The following DPP6 variants were observed in gnomAD, a reference collection of about 807,000 sequenced individuals.
DPP6 encodes dipeptidyl peptidase like 6.
DPP6 carries 69 observed loss-of-function variants against 122.6 expected under a neutral mutation model. That is an observed-to-expected ratio of 0.56 (90% CI 0.46 to 0.69). The LOEUF (loss-of-function observed/expected upper bound fraction) is 0.69. Ranked by LOEUF, DPP6 falls within the 30% of genes least tolerant of loss-of-function variation. The probability of loss-of-function intolerance (pLI) is 0.00; values close to 1 mark genes in which losing one functional copy is unlikely to be tolerated. For synonymous variants in DPP6, 418 were observed against 433.1 expected (o/e 0.97, Z 0.43); for missense variants, 928 against 1,116.9 (o/e 0.83, Z 2.41).
At chr7:154,325,885 CT>C (rs924719299) in intron 1 of DPP6, among the ~76,000 whole-genome samples, 39 of 152,116 alleles carry the variant, frequency 2.6e-4, no homozygotes, top group African/African-American at 9.4e-4. Context: ...GAATGTCTTA[CT>C]TTTTTGGAGG....
intron 1 of DPP6, among the ~76,000 whole-genome samples, chr7:153,946,068 A>G (rs895514135): frequency 1.6e-4 from 25 of 152,222 alleles, no homozygotes; most frequent in African/African-American, 6.0e-4. Context: ...CACAAGAAAC[A>G]TAGCTCTGAG....
chr7:154,672,056 C>T (rs945735626), intron 7 of DPP6, among the ~76,000 whole-genome samples: 2 of 152,094 alleles, frequency 1.3e-5, no homozygotes, highest in African/African-American at 2.4e-5. Flanking sequence ...CCCCATGTGT[C>T]AATGGTGGGA....
At chr7:154,196,752 G>T (rs920310093) in intron 1 of DPP6, among the ~76,000 whole-genome samples, 9 of 152,126 alleles carry the variant, frequency 5.9e-5, no homozygotes, top group African/African-American at 2.2e-4. Context: ...TCAGAAAGCT[G>T]CAGGGAGCCT....
At chr7:154,061,909 C>G (rs572000867) in intron 1 of DPP6, among the ~76,000 whole-genome samples, 1 of 135,806 alleles carries the variant, frequency 7.4e-6, no homozygotes, top group East Asian at 2.1e-4. Context: ...CCTCTTCCCC[C>G]CCTGGCTCTG....
Position 154,728,019 on chromosome 7 carries a change from T to C in DPP6, c.883+132T>C, listed in dbSNP as rs551173697. 1,866 of 1,426,380 alleles carry C rather than the reference T, an allele frequency of 1.3e-3. 2 individuals are homozygous for C. Among genetic ancestry groups the C allele is most frequent in the Non-Finnish European group, 1.6e-3 (1,711 of 1,082,696 alleles). The allele number at this position is 1,426,380 out of a possible 1,614,324, so 88.4% of individuals were successfully genotyped here. A position where few individuals can be genotyped will look rare whatever the true frequency, so the allele number is the denominator to read the frequency against. ...TCCAGTTTCTTGAGGTTCTGCAAAA[T>C]TTAAAAGATTTTGTTAGAGCTTTTG... is the stretch of plus-strand genomic sequence containing the variant. On this transcript the variant is annotated intron_variant, in intron 8 of 25. Transcript: ENST00000377770.
At chr7:153,905,115 C>G (rs762074894) in intron 1 of DPP6, among the ~76,000 whole-genome samples, 1 of 152,222 alleles carries the variant, frequency 6.6e-6, no homozygotes, top group Non-Finnish European at 1.5e-5. Context: ...GGGCAGCACC[C>G]TCTCTGTAAT....
At chr7:153,835,331 T>C in the DPP6 span, among the ~76,000 whole-genome samples, 1 of 151,858 alleles carries the variant, frequency 6.6e-6, no homozygotes, top group Non-Finnish European at 1.5e-5. Flanking sequence ...CCTAGAAAAC[T>C]AAAAGACTAA....
At chr7:154,818,218 C>CT (rs1799541391) in intron 16 of DPP6, among the ~76,000 whole-genome samples, 1 of 152,162 alleles carries the variant, frequency 6.6e-6, no homozygotes, top group African/African-American at 2.4e-5. Flanking sequence ...ACTCGGTTAC[C>CT]TGAAGGGATG....
the DPP6 span, among the ~76,000 whole-genome samples, chr7:153,845,763 A>G: frequency 1.1e-4 from 17 of 152,252 alleles, 1 homozygote; most frequent in Admixed American, 9.8e-4. Flanking sequence ...ATTTTGATAT[A>G]CATATTTAAT....
chr7:154,130,621 C>G (rs1795223011), intron 1 of DPP6, among the ~76,000 whole-genome samples: 1 of 152,124 alleles, frequency 6.6e-6, no homozygotes, highest in South Asian at 2.1e-4. Flanking sequence ...GGACTTTGCA[C>G]ATCATTGTGT....
At chr7:153,934,927 G>A (rs1563023554) in intron 1 of DPP6, among the ~76,000 whole-genome samples, 2 of 151,800 alleles carry the variant, frequency 1.3e-5, no homozygotes, top group East Asian at 1.9e-4. Context: ...GTGCCAGCAC[G>A]TTTGGATGGA....
chr7:154,708,660 T>C (rs1840970060), intron 7 of DPP6, among the ~76,000 whole-genome samples: 1 of 152,098 alleles, frequency 6.6e-6, no homozygotes, highest in South Asian at 2.1e-4. Flanking sequence ...TTTATTACGA[T>C]AAAAAAACCA....
chr7:154,494,018 C>T (rs1824511097), intron 3 of DPP6, among the ~76,000 whole-genome samples: 1 of 152,134 alleles, frequency 6.6e-6, no homozygotes, highest in South Asian at 2.1e-4. Flanking sequence ...GTGGAAAGCT[C>T]ATGGAAACTA....
At chr7:154,428,273 A>G (rs1026329743) in intron 1 of DPP6, among the ~76,000 whole-genome samples, 4 of 152,228 alleles carry the variant, frequency 2.6e-5, no homozygotes, top group Admixed American at 2.0e-4. Flanking sequence ...ACTTCTAGGC[A>G]TAGAAAAATT....
At chr7:154,054,631 A>G (rs1800664138) in intron 1 of DPP6, among the ~76,000 whole-genome samples, 1 of 152,020 alleles carries the variant, frequency 6.6e-6, no homozygotes, top group South Asian at 2.1e-4. Context: ...AGGGAAATAG[A>G]CAGATCCTTC....
intron 1 of DPP6, among the ~76,000 whole-genome samples, chr7:154,136,001 A>C (rs1349555333): frequency 1.3e-5 from 2 of 152,234 alleles, no homozygotes; most frequent in Non-Finnish European, 2.9e-5. Context: ...TGCTGTGTGC[A>C]TTCTCACCTG....
At chr7:154,237,264 C>T (rs973204600) in intron 1 of DPP6, among the ~76,000 whole-genome samples, 7 of 152,174 alleles carry the variant, frequency 4.6e-5, no homozygotes, top group African/African-American at 1.7e-4. Flanking sequence ...ATCTTGTTTA[C>T]AGGTGATGAC....
intron 1 of DPP6, among the ~76,000 whole-genome samples, chr7:154,098,642 G>T (rs1402668344): frequency 6.6e-6 from 1 of 151,514 alleles, no homozygotes; most frequent in African/African-American, 2.4e-5. Flanking sequence ...TTGCCACAGG[G>T]TGATGTGCCC....
intron 1 of DPP6, among the ~76,000 whole-genome samples, chr7:154,160,497 T>C (rs1438336089): frequency 6.6e-6 from 1 of 152,210 alleles, no homozygotes; most frequent in Non-Finnish European, 1.5e-5. Context: ...GTCTACATTG[T>C]ATACAACTAT....
Sources: allele counts gnomAD v4.1 joint callset (sites outside exome capture counted in the v4.1 genomes callset), GRCh38; gene constraint gnomAD v4.1.1; transcripts MANE v1.5; gene names NCBI Gene and HGNC (gene_info 2026-07-23, HGNC 2026-07-21).